SH3BGRL2: variants seen among roughly 807,000 people sequenced by gnomAD.
SH3BGRL2 encodes SH3 domain-binding glutamic acid-rich-like protein 2.
Under a neutral mutation model 14.8 loss-of-function variants are expected in SH3BGRL2, and 21 were observed. The ratio of observed to expected loss-of-function variants is 1.42; its 90% CI spans 1.01 to 2.05. SH3BGRL2 has a LOEUF of 2.05. Among genes scored for constraint, SH3BGRL2 ranks in the 30% most tolerant of loss-of-function variants. The probability of loss-of-function intolerance (pLI) is 0.00; values close to 1 mark genes in which losing one functional copy is unlikely to be tolerated. For missense variants in SH3BGRL2, 147 were observed against 130.8 expected (o/e 1.12, Z -0.61); for synonymous variants, 50 against 47.8 (o/e 1.05, Z -0.19).
chr6:79,637,104 T>C (rs1256903757), intron 1 of SH3BGRL2, among the ~76,000 whole-genome samples: 1 of 152,200 alleles, frequency 6.6e-6, no homozygotes, highest in East Asian at 1.9e-4. Context: ...CAGTGGGATA[T>C]TGAAGTATAT....
At chr6:79,565,443 TTAA>T in the SH3BGRL2 span, among the ~76,000 whole-genome samples, 1 of 152,212 alleles carries the variant, frequency 6.6e-6, no homozygotes, top group African/African-American at 2.4e-5. Context: ...TATTTAAAAA[TTAA>T]TAATAAATGG....
the SH3BGRL2 span, among the ~76,000 whole-genome samples, chr6:79,550,705 G>T: frequency 2.6e-5 from 4 of 152,242 alleles, no homozygotes; most frequent in East Asian, 7.7e-4. Context: ...TGTGGTTAGT[G>T]CAGAGTATGA....
At chr6:79,572,425 G>T in the SH3BGRL2 span, among the ~76,000 whole-genome samples, 4 of 151,648 alleles carry the variant, frequency 2.6e-5, no homozygotes, top group Non-Finnish European at 5.9e-5. Flanking sequence ...AATTTTATGG[G>T]TATAAAATGG....
intron 2 of SH3BGRL2, among the ~76,000 whole-genome samples, chr6:79,683,680 C>T (rs917215163): frequency 1.3e-5 from 2 of 152,188 alleles, no homozygotes; most frequent in Admixed American, 6.5e-5. Flanking sequence ...ATCTCCTGAC[C>T]TTGTGATCTG....
At chr6:79,633,658 T>A (rs1028769806) in intron 1 of SH3BGRL2, among the ~76,000 whole-genome samples, 1 of 152,204 alleles carries the variant, frequency 6.6e-6, no homozygotes, top group Non-Finnish European at 1.5e-5. Flanking sequence ...ACCCAGTCTT[T>A]TCAGGTTTTA....
At chr6:79,604,986 T>A in the SH3BGRL2 span, among the ~76,000 whole-genome samples, 1 of 152,202 alleles carries the variant, frequency 6.6e-6, no homozygotes, top group Non-Finnish European at 1.5e-5. Context: ...CCCACAACTC[T>A]TTGCAAGGTG....
chr6:79,668,973 A>C (rs373404808), intron 1 of SH3BGRL2, among the ~76,000 whole-genome samples: 5 of 152,204 alleles, frequency 3.3e-5, no homozygotes, highest in African/African-American at 1.2e-4. Context: ...AAATACTGTC[A>C]TTTGATCCAC....
chr6:79,625,165 C>T, the SH3BGRL2 span, among the ~76,000 whole-genome samples: 5 of 150,604 alleles, frequency 3.3e-5, no homozygotes, highest in Admixed American at 6.6e-5. Flanking sequence ...AGAACAAGAC[C>T]GTGTCTCTAT....
chr6:79,676,136 G>T (rs1424452211), intron 2 of SH3BGRL2, among the ~76,000 whole-genome samples: 2 of 151,968 alleles, frequency 1.3e-5, no homozygotes, highest in Non-Finnish European at 1.5e-5. Context: ...GGGAATCTCT[G>T]CCTGGCTATT....
intron 1 of SH3BGRL2, among the ~76,000 whole-genome samples, chr6:79,636,961 G>T (rs1330610099): frequency 2.0e-4 from 30 of 152,108 alleles, no homozygotes; most frequent in Non-Finnish European, 1.5e-5. Context: ...TAGGACCTCA[G>T]TATCTTTTGG....
At chr6:79,648,832 AC>A (rs1401639858) in intron 1 of SH3BGRL2, among the ~76,000 whole-genome samples, 1 of 152,216 alleles carries the variant, frequency 6.6e-6, no homozygotes, top group Non-Finnish European at 1.5e-5. Flanking sequence ...ACTTTGGAAA[AC>A]ATAAAGGCTG....
At chr6:79,622,024 A>G in the SH3BGRL2 span, among the ~76,000 whole-genome samples, 1 of 152,116 alleles carries the variant, frequency 6.6e-6, no homozygotes, top group Non-Finnish European at 1.5e-5. Context: ...CAGAATGGAA[A>G]GTGGAGTGTT....
At chr6:79,553,916 C>T in the SH3BGRL2 span, among the ~76,000 whole-genome samples, 5 of 149,998 alleles carry the variant, frequency 3.3e-5, no homozygotes, top group Middle Eastern at 3.2e-3. Flanking sequence ...TGCAGTGAGC[C>T]GAGATTGTGC....
intron 2 of SH3BGRL2, among the ~76,000 whole-genome samples, chr6:79,694,540 G>T (rs182579125): frequency 5.3e-5 from 8 of 152,158 alleles, no homozygotes; most frequent in African/African-American, 1.9e-4. Context: ...ACAAATTTTC[G>T]TACAAATTCC....
At chr6:79,622,389 C>T in the SH3BGRL2 span, among the ~76,000 whole-genome samples, 2 of 152,264 alleles carry the variant, frequency 1.3e-5, no homozygotes, top group East Asian at 3.9e-4. Context: ...ATTTCAATTT[C>T]CTAAACTATT....
At position 79,701,188 on chromosome 6, in the gene SH3BGRL2, G is replaced by A. The variant is rs1226388391; in HGVS notation, c.*1679G>A. Reference sequence around the variant, plus strand: ...CTGTTGTCAAATTATGGATATTACTGGTTAGTTGTCATTAAGTAAGATCCA... The same window carrying A: ...CTGTTGTCAAATTATGGATATTACTAGTTAGTTGTCATTAAGTAAGATCCA... On this transcript the variant is annotated 3_prime_UTR_variant, in exon 4 of 4. Transcript: ENST00000369838. The A allele has an allele frequency of 6.6e-6, 1 of 152,056 alleles. No homozygotes were observed. Among genetic ancestry groups the A allele is most frequent in the Non-Finnish European group, 1.5e-5 (1 of 68,014 alleles). 9.4% of individuals were successfully genotyped at this position (152,056 alleles called of 1,614,324 possible). A position where few individuals can be genotyped will look rare whatever the true frequency, so the allele number is the denominator to read the frequency against.
At chr6:79,602,680 A>G in the SH3BGRL2 span, among the ~76,000 whole-genome samples, 1 of 152,204 alleles carries the variant, frequency 6.6e-6, no homozygotes. Flanking sequence ...ATGCCTACCT[A>G]TCTGGGCTTA....
At chr6:79,663,461 G>A (rs185951570) in intron 1 of SH3BGRL2, among the ~76,000 whole-genome samples, 2 of 152,192 alleles carry the variant, frequency 1.3e-5, no homozygotes, top group African/African-American at 2.4e-5. Context: ...TGTTTGCCTG[G>A]GTATCACCAG....
At chr6:79,671,174 G>T (rs1769765651) in intron 1 of SH3BGRL2, among the ~76,000 whole-genome samples, 1 of 152,030 alleles carries the variant, frequency 6.6e-6, no homozygotes, top group Admixed American at 6.6e-5. Flanking sequence ...TGGATCAAAT[G>T]ACATAGATGA....
Sources: allele counts gnomAD v4.1 joint callset (sites outside exome capture counted in the v4.1 genomes callset), GRCh38; gene constraint gnomAD v4.1.1; transcripts MANE v1.5; gene names NCBI Gene and HGNC (gene_info 2026-07-23, HGNC 2026-07-21).